ANKRD44: variants seen among roughly 807,000 people sequenced by gnomAD.
ANKRD44 encodes serine/threonine-protein phosphatase 6 regulatory ankyrin repeat subunit B.
In ANKRD44, 35 loss-of-function variants were observed where a neutral mutation model predicts 116.0. The observed-to-expected ratio is 0.30, with a 90% CI of 0.23 to 0.40. The LOEUF (loss-of-function observed/expected upper bound fraction) is 0.40, where lower values mean the gene tolerates loss of function less well. Ranked by LOEUF, ANKRD44 falls within the 10% of genes least tolerant of loss-of-function variation. ANKRD44 has a pLI of 1.00. For missense variants in ANKRD44, 1,014 were observed against 1,242.6 expected, an observed-to-expected ratio of 0.82 and a Z score of 2.77; for synonymous variants, 435 against 461.8, an observed-to-expected ratio of 0.94 and a Z score of 0.74.
At chr2:197,024,459 G>A (rs961304743) in intron 17 of ANKRD44, among the ~76,000 whole-genome samples, 8 of 152,170 alleles carry the variant, frequency 5.3e-5, no homozygotes, top group African/African-American at 1.9e-4. Context: ...GGGTTCCTAG[G>A]GAGCAGCTGC....
chr2:197,034,282 CAT>C (rs1223138032), intron 16 of ANKRD44, among the ~76,000 whole-genome samples: 1 of 152,060 alleles, frequency 6.6e-6, no homozygotes, highest in African/African-American at 2.4e-5. Flanking sequence ...GAGTTCTGCA[CAT>C]AGAGCTTGTA....
chr2:197,053,558 T>C (rs2125021364), intron 16 of ANKRD44, among the ~76,000 whole-genome samples: 1 of 152,298 alleles, frequency 6.6e-6, no homozygotes, highest in East Asian at 1.9e-4. Flanking sequence ...ATCTCGGCTC[T>C]TTGTAACCTC....
At chr2:197,299,063 T>C (rs1263444606) in intron 1 of ANKRD44, among the ~76,000 whole-genome samples, 1 of 152,224 alleles carries the variant, frequency 6.6e-6, no homozygotes, top group African/African-American at 2.4e-5. Flanking sequence ...TCCCCAATTA[T>C]CTCAAAGAAG....
At chr2:197,272,473 T>A (rs2082926958) in intron 1 of ANKRD44, among the ~76,000 whole-genome samples, 1 of 152,062 alleles carries the variant, frequency 6.6e-6, no homozygotes, top group Non-Finnish European at 1.5e-5. Context: ...CCTGACCTTG[T>A]GATCCGCCCG....
chr2:197,034,050 T>TAGAGAGAGAGAGAGAGAGAGAGAGAGAG (rs60018972), intron 16 of ANKRD44, among the ~76,000 whole-genome samples: 2 of 110,578 alleles, frequency 1.8e-5, no homozygotes, highest in Admixed American at 1.0e-4. Context: ...ATATGAGGGC[T>TAGAGAGAGAGAGAGAGAGAGAGAGAGAG]AGAGAGAGAG....
chr2:197,053,413 A>G (rs1054919705), intron 16 of ANKRD44, among the ~76,000 whole-genome samples: 1 of 152,226 alleles, frequency 6.6e-6, no homozygotes, highest in South Asian at 2.1e-4. Flanking sequence ...ACAACCTGAA[A>G]TAGGGCAGTT....
chr2:197,231,528 C>T (rs2081863006), intron 1 of ANKRD44, among the ~76,000 whole-genome samples: 1 of 152,128 alleles, frequency 6.6e-6, no homozygotes, highest in African/African-American at 2.4e-5. Context: ...ATATGATGGT[C>T]CTATGTTCCT....
intron 8 of ANKRD44, among the ~76,000 whole-genome samples, chr2:197,118,637 G>GAGAGAGAAAGAAAGAAAGAAAGAA (rs773839262): frequency 1.5e-4 from 17 of 112,436 alleles, no homozygotes; most frequent in African/African-American, 5.0e-4. Flanking sequence ...GAGAGAGAGA[G>GAGAGAGAAAGAAAGAAAGAAAGAA]AGAAAGAAAG....
intron 2 of ANKRD44, among the ~76,000 whole-genome samples, chr2:197,165,840 C>T (rs2080089962): frequency 6.6e-6 from 1 of 152,136 alleles, no homozygotes; most frequent in Admixed American, 6.5e-5. Flanking sequence ...AGTTCAAAAT[C>T]ATTTATATAG....
chr2:197,063,158 A>G (rs928543380), intron 16 of ANKRD44, among the ~76,000 whole-genome samples: 6 of 152,210 alleles, frequency 3.9e-5, no homozygotes, highest in Non-Finnish European at 8.8e-5. Flanking sequence ...TTTGCTGTTC[A>G]GCAATATTCA....
chr2:197,180,003 C>A (rs1036902556), intron 2 of ANKRD44, among the ~76,000 whole-genome samples: 4 of 152,064 alleles, frequency 2.6e-5, no homozygotes, highest in African/African-American at 9.7e-5. Flanking sequence ...GGGCACCTAC[C>A]CTCAAGACAA....
chr2:197,108,867 AC>A (rs1350202596), intron 9 of ANKRD44, among the ~76,000 whole-genome samples: 2 of 149,360 alleles, frequency 1.3e-5, no homozygotes, highest in African/African-American at 5.1e-5. Context: ...AACAACAACA[AC>A]AACAAAAACA....
intron 23 of ANKRD44, 57 bp downstream of exon 23, chr2:197,000,362 T>C (rs1230942855): frequency 7.1e-6 from 10 of 1,404,278 alleles, no homozygotes; most frequent in Non-Finnish European, 9.1e-6. Context: ...ACTCTGCAAC[T>C]GCAAAGCAGA....
At chr2:196,967,941 C>CTCTG (rs397827851) in intron 21 of ANKRD44, among the ~76,000 whole-genome samples, 1 of 151,690 alleles carries the variant, frequency 6.6e-6, no homozygotes, top group Non-Finnish European at 1.5e-5. Context: ...CTCTCTCTCT[C>CTCTG]ACTTGCTCTT....
intron 1 of ANKRD44, chr2:197,199,374 G>A (rs2081041694): frequency 6.6e-6 from 1 of 152,116 alleles, no homozygotes; most frequent in Non-Finnish European, 1.5e-5. Flanking sequence ...GAAGTACTAT[G>A]GGAAACACCT....
chr2:197,152,768 T>C (rs543510081), intron 2 of ANKRD44, among the ~76,000 whole-genome samples: 2 of 152,366 alleles, frequency 1.3e-5, no homozygotes, highest in East Asian at 1.9e-4. Flanking sequence ...AATTGTTACA[T>C]GCTTTGGAAA....
At chr2:197,093,922 C>T (rs778942240) in intron 10 of ANKRD44, among the ~76,000 whole-genome samples, 11 of 152,136 alleles carry the variant, frequency 7.2e-5, no homozygotes, top group African/African-American at 1.2e-4. Flanking sequence ...AGACCAATTT[C>T]GTTAAATTGC....
intron 1 of ANKRD44, among the ~76,000 whole-genome samples, chr2:197,187,644 T>TTCTCTCTCTCTCTCTCTCTC: frequency 7.4e-6 from 1 of 134,738 alleles, no homozygotes; most frequent in East Asian, 2.3e-4. Flanking sequence ...CACGTTCTCA[T>TTCTCTCTCTCTCTCTCTCTC]TCTCTCTCTC....
chr2:197,083,518 C>G lies in ANKRD44; in HGVS notation c.1317-9G>C, dbSNP rs1370779615. 6.2e-7 allele frequency: 1 copy of G among 1,608,036 alleles called. No homozygotes were observed. Among genetic ancestry groups the G allele is most frequent in the African/African-American group, 1.3e-5 (1 of 74,716 alleles). On this transcript the variant is annotated splice_polypyrimidine_tract_variant and intron_variant, in intron 13 of 27. Coordinates refer to ENST00000282272, the MANE Select transcript of ANKRD44 (RefSeq NM_001195144.2). ...CATAGTGCAAAGGGGTCCTGAAAAA[C>G]AAACAGCAATTTATTACTCCATTCA... is the stretch of plus-strand genomic sequence containing the variant.
Sources: allele counts gnomAD v4.1 joint callset (sites outside exome capture counted in the v4.1 genomes callset), GRCh38; gene constraint gnomAD v4.1.1; transcripts MANE v1.5; gene names NCBI Gene and HGNC (gene_info 2026-07-23, HGNC 2026-07-21).